The following CAMK2D variants were observed in gnomAD, a reference collection of about 807,000 sequenced individuals.
CAMK2D encodes the protein calcium/calmodulin dependent protein kinase II delta.
Under a neutral mutation model 84.0 loss-of-function variants are expected in CAMK2D, and 37 were observed. The ratio of observed to expected loss-of-function variants is 0.44; its 90% confidence interval spans 0.34 to 0.58. The LOEUF (loss-of-function observed/expected upper bound fraction) is 0.58. Among genes scored for constraint, CAMK2D ranks in the 20% least tolerant of loss-of-function variants. CAMK2D has a pLI of 0.02. For missense variants in CAMK2D, 448 were observed against 652.5 expected, an observed-to-expected ratio of 0.69 and a Z score of 3.41; for synonymous variants, 202 against 212.5, an observed-to-expected ratio of 0.95 and a Z score of 0.43.
intron 4 of CAMK2D, among the ~76,000 whole-genome samples, chr4:113,599,498 G>T (rs556950375): frequency 6.6e-6 from 1 of 152,050 alleles, no homozygotes; most frequent in East Asian, 1.9e-4. Flanking sequence ...ATTATTCAAC[G>T]ACAAAAGGAA....
chr4:113,538,666 A>T (rs559777089), intron 6 of CAMK2D, among the ~76,000 whole-genome samples: 3 of 152,338 alleles, frequency 2.0e-5, no homozygotes, highest in South Asian at 2.1e-4. Flanking sequence ...TTTCCCACTG[A>T]ATTTGTCAAT....
At chr4:113,673,844 G>A (rs774615513) in intron 2 of CAMK2D, among the ~76,000 whole-genome samples, 125 of 152,340 alleles carry the variant, frequency 8.2e-4, no homozygotes, top group Middle Eastern at 6.8e-3. Flanking sequence ...CCTGAAATGA[G>A]ACTGTTCTTG....
intron 2 of CAMK2D, among the ~76,000 whole-genome samples, chr4:113,728,696 A>C (rs2148733168): frequency 6.6e-6 from 1 of 152,224 alleles, no homozygotes; most frequent in Non-Finnish European, 1.5e-5. Context: ...TGTGATGCAT[A>C]ATTTTTTATC....
At chr4:113,599,960 C>T (rs185875229) in intron 4 of CAMK2D, among the ~76,000 whole-genome samples, 79 of 152,196 alleles carry the variant, frequency 5.2e-4, no homozygotes, top group Non-Finnish European at 7.4e-4. Context: ...GGAAAATCCA[C>T]GTATAAGTGG....
At position 113,513,928 on chromosome 4, in the gene CAMK2D, GA is replaced by G; in HGVS notation, c.820-16del. 1 of 1,339,262 alleles carries G rather than the reference GA, an allele frequency of 7.5e-7. No individual in the cohort carries two copies. Among genetic ancestry groups the G allele is most frequent in the Non-Finnish European group, 1.1e-6 (1 of 944,626 alleles). The allele number at this position is 1,339,262 out of a possible 1,614,324, so 83.0% of individuals were successfully genotyped here. Reference sequence around the variant, plus strand: ...GTAGAACGTTGCTAGAAGAAGAGGAGAAAAAGTAACTTAATTGAGAATATTT... The same window carrying G: ...GTAGAACGTTGCTAGAAGAAGAGGAGAAAAGTAACTTAATTGAGAATATTT... On this transcript the variant is annotated splice_polypyrimidine_tract_variant and intron_variant, in intron 10 of 20. Transcript: ENST00000511664.
At chr4:113,594,936 A>G (rs907826270) in intron 4 of CAMK2D, among the ~76,000 whole-genome samples, 5 of 152,176 alleles carry the variant, frequency 3.3e-5, no homozygotes, top group African/African-American at 1.2e-4. Flanking sequence ...TGAGACAGCA[A>G]TAACAGTTTG....
chr4:113,473,595 C>A (rs58426645), intron 16 of CAMK2D, among the ~76,000 whole-genome samples: 54 of 152,190 alleles, frequency 3.5e-4, no homozygotes, highest in African/African-American at 1.3e-3. Context: ...TGAATAACAT[C>A]AACTTTTCAC....
chr4:113,685,605 A>C (rs1445686567), intron 2 of CAMK2D, among the ~76,000 whole-genome samples: 1 of 152,228 alleles, frequency 6.6e-6, no homozygotes, highest in Non-Finnish European at 1.5e-5. Context: ...TGTATAAATT[A>C]TGAAAAATTA....
chr4:113,581,246 G>A (rs2098806922), intron 4 of CAMK2D, among the ~76,000 whole-genome samples: 1 of 152,080 alleles, frequency 6.6e-6, no homozygotes, highest in Non-Finnish European at 1.5e-5. Context: ...GGGTGCGGTG[G>A]CTCACACCTG....
intron 10 of CAMK2D, 62 bp from the exon 11 acceptor site, chr4:113,513,975 A>C: frequency 1.3e-6 from 1 of 741,364 alleles, no homozygotes; most frequent in Non-Finnish European, 2.3e-6. Context: ...AAGTATAATA[A>C]TGTCCCTGAC....
intron 4 of CAMK2D, among the ~76,000 whole-genome samples, chr4:113,607,619 C>T (rs952703582): frequency 6.6e-6 from 1 of 152,002 alleles, no homozygotes; most frequent in African/African-American, 2.4e-5. Context: ...TAATCCCTGT[C>T]CCCGCCCGCA....
At chr4:113,531,163 T>A in intron 8 of CAMK2D, 53 bp downstream of exon 8, 1 of 874,706 alleles carries the variant, frequency 1.1e-6, no homozygotes. Flanking sequence ...GCAGACCAAA[T>A]GGACTAAGAC....
At chr4:113,519,404 A>G (rs2098328560) in intron 8 of CAMK2D, among the ~76,000 whole-genome samples, 1 of 152,216 alleles carries the variant, frequency 6.6e-6, no homozygotes, top group Non-Finnish European at 1.5e-5. Flanking sequence ...GGCAATATGT[A>G]ATAGATGCCC....
At chr4:113,598,335 A>C (rs2098936877) in intron 4 of CAMK2D, among the ~76,000 whole-genome samples, 1 of 140,068 alleles carries the variant, frequency 7.1e-6, no homozygotes, top group Non-Finnish European at 1.6e-5. Flanking sequence ...ACTCACATTA[A>C]AAAAAAATGA....
At chr4:113,532,981 T>C (rs2098468158) in intron 7 of CAMK2D, among the ~76,000 whole-genome samples, 1 of 152,038 alleles carries the variant, frequency 6.6e-6, no homozygotes, top group Admixed American at 6.6e-5. Flanking sequence ...TCAATGACTC[T>C]TTTATATACA....
At chr4:113,722,611 A>G (rs542898905) in intron 2 of CAMK2D, among the ~76,000 whole-genome samples, 9 of 152,298 alleles carry the variant, frequency 5.9e-5, no homozygotes, top group South Asian at 4.1e-4. Flanking sequence ...TATTATTCCA[A>G]CTGGGGTACT....
At chr4:113,587,804 C>T (rs7689890) in intron 4 of CAMK2D, among the ~76,000 whole-genome samples, 106,667 of 151,900 alleles carry the variant, frequency 0.7, 37,648 homozygotes, top group Middle Eastern at 0.74. Context: ...CATCAGTACA[C>T]GCTAGTCATA....
chr4:113,716,039 G>A (rs1202501283), intron 2 of CAMK2D, among the ~76,000 whole-genome samples: 1 of 152,138 alleles, frequency 6.6e-6, no homozygotes, highest in East Asian at 1.9e-4. Flanking sequence ...TTCTAAGTAT[G>A]TATTTGCATC....
chr4:113,578,647 CAA>C (rs1453980009), intron 4 of CAMK2D, among the ~76,000 whole-genome samples: 4 of 151,894 alleles, frequency 2.6e-5, no homozygotes, highest in Middle Eastern at 3.2e-3. Flanking sequence ...AAATTTTACT[CAA>C]GTTTGTAAAT....
Sources: allele counts gnomAD v4.1 joint callset (sites outside exome capture counted in the v4.1 genomes callset), GRCh38; gene constraint gnomAD v4.1.1; transcripts MANE v1.5; gene names NCBI Gene and HGNC (gene_info 2026-07-23, HGNC 2026-07-21).